The following SMYD3 variants were observed in gnomAD, a reference collection of about 807,000 sequenced individuals.
SMYD3 encodes the protein histone-lysine N-methyltransferase SMYD3.
Under a neutral mutation model 57.7 loss-of-function variants are expected in SMYD3, and 36 were observed. The ratio of observed to expected loss-of-function variants is 0.62; its 90% CI spans 0.48 to 0.82. The LOEUF (loss-of-function observed/expected upper bound fraction) is 0.82, where lower values mean the gene tolerates loss of function less well. SMYD3 is among the 40% of genes least tolerant of loss of function. The pLI, the probability that SMYD3 is intolerant of heterozygous loss-of-function variation, is 0.00. For missense variants in SMYD3, 515 were observed against 538.8 expected (o/e 0.96, Z 0.44); for synonymous variants, 211 against 195.0 (o/e 1.08, Z -0.68).
At chr1:246,250,788 T>C (rs2063786004) in intron 5 of SMYD3, among the ~76,000 whole-genome samples, 2 of 152,238 alleles carry the variant, frequency 1.3e-5, no homozygotes, top group Admixed American at 6.5e-5. Context: ...AACCATCTTT[T>C]AATGATAGTT....
intron 1 of SMYD3, among the ~76,000 whole-genome samples, chr1:246,373,938 T>A (rs1388853117): frequency 1.3e-5 from 2 of 152,162 alleles, no homozygotes; most frequent in Non-Finnish European, 2.9e-5. Context: ...CATTCACTGA[T>A]TCATTCTTTC....
At chr1:246,312,725 G>A (rs1030272698) in intron 5 of SMYD3, among the ~76,000 whole-genome samples, 1 of 152,162 alleles carries the variant, frequency 6.6e-6, no homozygotes, top group Non-Finnish European at 1.5e-5. Flanking sequence ...GGCAAGTAAA[G>A]CCATGGCAGC....
chr1:245,785,123 C>G (rs1006921718), intron 10 of SMYD3, among the ~76,000 whole-genome samples: 3 of 151,336 alleles, frequency 2.0e-5, no homozygotes, highest in African/African-American at 7.3e-5. Flanking sequence ...CTCAAGTGAT[C>G]CACCCGCCTC....
chr1:246,358,491 C>T (rs548627891), intron 1 of SMYD3, among the ~76,000 whole-genome samples: 38 of 152,268 alleles, frequency 2.5e-4, no homozygotes, highest in African/African-American at 8.9e-4. Context: ...GAACATTCTA[C>T]TCAACAACTG....
At chr1:246,350,128 C>A (rs2065800091) in intron 2 of SMYD3, among the ~76,000 whole-genome samples, 1 of 152,188 alleles carries the variant, frequency 6.6e-6, no homozygotes, top group East Asian at 1.9e-4. Flanking sequence ...TACATTAATT[C>A]TAGATTTCAG....
chr1:245,985,495 T>C (rs1301869905), intron 5 of SMYD3, among the ~76,000 whole-genome samples: 1 of 152,144 alleles, frequency 6.6e-6, no homozygotes, highest in Non-Finnish European at 1.5e-5. Context: ...CAAACCACCT[T>C]TATGTCCTTA....
intron 5 of SMYD3, among the ~76,000 whole-genome samples, chr1:246,273,647 C>T (rs1410242174): frequency 4.3e-5 from 6 of 139,556 alleles, no homozygotes; most frequent in African/African-American, 1.6e-4. Flanking sequence ...TGCAGTGGCA[C>T]GATCTCGGCT....
At chr1:245,989,556 A>T (rs2058772656) in intron 5 of SMYD3, among the ~76,000 whole-genome samples, 1 of 152,248 alleles carries the variant, frequency 6.6e-6, no homozygotes. Flanking sequence ...CCACTCATTC[A>T]TTCAATGCCA....
At chr1:245,801,580 T>C (rs1182867093) in intron 10 of SMYD3, among the ~76,000 whole-genome samples, 1 of 152,192 alleles carries the variant, frequency 6.6e-6, no homozygotes, top group Non-Finnish European at 1.5e-5. Context: ...TCCAGCAGAC[T>C]CTCCATTTCT....
intron 1 of SMYD3, among the ~76,000 whole-genome samples, chr1:246,369,258 CT>C: frequency 6.6e-6 from 1 of 152,254 alleles, no homozygotes; most frequent in Non-Finnish European, 1.5e-5. Context: ...TAGATATCAT[CT>C]GAAATATCTT....
chr1:246,143,547 G>C (rs184852287), intron 5 of SMYD3, among the ~76,000 whole-genome samples: 3 of 152,000 alleles, frequency 2.0e-5, no homozygotes, highest in Non-Finnish European at 4.4e-5. Context: ...ATGTGGCTAC[G>C]GTCCCAGCTA....
At chr1:245,949,943 A>T (rs1049057713) in intron 5 of SMYD3, among the ~76,000 whole-genome samples, 1 of 151,964 alleles carries the variant, frequency 6.6e-6, no homozygotes, top group Non-Finnish European at 1.5e-5. Context: ...ATGCAAATTT[A>T]AAAAACTGGA....
chr1:245,927,877 G>A, intron 7 of SMYD3, 54 bp downstream of exon 7: 1 of 1,437,404 alleles, frequency 7.0e-7, no homozygotes, highest in Non-Finnish European at 9.7e-7. Flanking sequence ...GGGCCGAGCT[G>A]AGAGGGTCTT....
In SMYD3 at chr1:245,920,272, C is replaced by T. The variant is rs569854626; in HGVS notation, c.703-4632G>A. Among the ~76,000 whole-genome samples the T allele has an allele frequency of 4.0e-3, 574 of 143,916 alleles. 9 individuals are homozygous for T. The highest frequency in any genetic ancestry group is 0.024 in the Admixed American group (343 of 14,238). 94.4% of individuals were successfully genotyped at this position (143,916 alleles called of 152,430 possible). A position where few individuals can be genotyped will look rare whatever the true frequency, so the allele number is the denominator to read the frequency against. On this transcript the variant is annotated intron_variant, in intron 7 of 11. Transcript: ENST00000490107. ...AGCTTGCAGTGAGACGAGATCATGC[C>T]ACTGCACTCCAGCCTGGGCGACAGA...
chr1:246,495,182 T>C (rs185115077), intron 1 of SMYD3, among the ~76,000 whole-genome samples: 204 of 151,892 alleles, frequency 1.3e-3, no homozygotes, highest in African/African-American at 4.6e-3. Context: ...ACCCCATCTC[T>C]ACTAAAAATA....
chr1:246,155,139 C>A (rs1050584851), intron 5 of SMYD3, among the ~76,000 whole-genome samples: 2 of 151,976 alleles, frequency 1.3e-5, no homozygotes, highest in African/African-American at 2.4e-5. Context: ...TTCTTCCCTC[C>A]CAAACTCCCT....
intron 5 of SMYD3, among the ~76,000 whole-genome samples, chr1:246,040,631 T>C (rs527668081): frequency 1.1e-4 from 16 of 152,296 alleles, no homozygotes; most frequent in African/African-American, 3.6e-4. Flanking sequence ...ATTAAACCAG[T>C]AGTTACCGAC....
intron 5 of SMYD3, among the ~76,000 whole-genome samples, chr1:246,302,614 T>A (rs1412630021): frequency 6.6e-6 from 1 of 152,074 alleles, no homozygotes; most frequent in Non-Finnish European, 1.5e-5. Flanking sequence ...ATAGAATGGG[T>A]TAGGGTTAGC....
intron 5 of SMYD3, among the ~76,000 whole-genome samples, chr1:246,134,042 C>T (rs189418282): frequency 6.6e-6 from 1 of 152,188 alleles, no homozygotes; most frequent in African/African-American, 2.4e-5. Flanking sequence ...CTAAAGACAG[C>T]CCGGGGAAAT....
Sources: gnomAD v4.1 joint callset for allele counts (sites outside exome capture counted in the v4.1 genomes callset) on GRCh38, gnomAD v4.1.1 for gene constraint, MANE v1.5 for transcripts, NCBI Gene and HGNC (gene_info 2026-07-23, HGNC 2026-07-21) for gene names.